The following NKAIN1 variants were observed in gnomAD, a reference collection of about 807,000 sequenced individuals.
NKAIN1 encodes sodium/potassium transporting ATPase interacting 1, also known as sodium/potassium-transporting ATPase subunit beta-1-interacting protein 1.
In NKAIN1, 13 loss-of-function variants were observed where a neutral mutation model predicts 31.6. The observed-to-expected ratio is 0.41, with a 90% CI of 0.27 to 0.65. The LOEUF (loss-of-function observed/expected upper bound fraction) is 0.65, where lower values mean the gene tolerates loss of function less well. NKAIN1 is among the 30% of genes least tolerant of loss of function. The pLI, the probability that NKAIN1 is intolerant of heterozygous loss-of-function variation, is 0.30. For missense variants in NKAIN1, 193 were observed against 262.2 expected, an observed-to-expected ratio of 0.74 and a Z score of 1.82; for synonymous variants, 104 against 109.0, an observed-to-expected ratio of 0.95 and a Z score of 0.28.
rs548201403 is a variant in NKAIN1, at chr1:31,225,421, G to T, written c.54+14073C>A. 1.0e-4 allele frequency among the ~76,000 whole-genome samples: 11 copies of T among 108,470 alleles called. No individual in the cohort carries two copies. In the South Asian group the frequency reaches 3.2e-3, roughly 32 times the overall value. The allele number at this position is 108,470 out of a possible 152,430, so 71.2% of individuals were successfully genotyped here. A position where few individuals can be genotyped will look rare whatever the true frequency, so the allele number is the denominator to read the frequency against. ...ACAATCTCGGCTCACTGCAACCTCT[G>T]CCTCCTGGGTTAAGCAATTCTCATG... On this transcript the variant is annotated intron_variant, in intron 1 of 6. Coordinates refer to ENST00000373736, the MANE Select transcript of NKAIN1 (RefSeq NM_024522.3).
chr1:31,186,045 T>C (rs1400644238), intron 2 of NKAIN1, among the ~76,000 whole-genome samples: 2 of 143,846 alleles, frequency 1.4e-5, no homozygotes, highest in African/African-American at 2.6e-5. Flanking sequence ...CTGGGCAATA[T>C]GGAGAAAACC....
rs558644354 is a variant in NKAIN1 at position 31,233,647 on chromosome 1, G to A, written c.54+5847C>T. Among the ~76,000 whole-genome samples, 98 of 152,342 alleles carry A rather than the reference G, an allele frequency of 6.4e-4. No homozygotes were observed. The highest frequency in any genetic ancestry group is 1.2e-3 in the Non-Finnish European group (79 of 68,030). ...ATTTTCCACATAAAGAAGAGCTGGA[G>A]TGTTTGTGGGAATGACCCTGATCAC... is the stretch of plus-strand genomic sequence containing the variant. On this transcript the variant is annotated intron_variant, in intron 1 of 6. Coordinates refer to ENST00000373736, the MANE Select transcript of NKAIN1 (RefSeq NM_024522.3). The surrounding 1 kb of genome is among the most constrained non-coding windows in gnomAD (Gnocchi z 4.0).
At chr1:31,208,556 G>C (rs983627895) in intron 1 of NKAIN1, among the ~76,000 whole-genome samples, 1 of 151,846 alleles carries the variant, frequency 6.6e-6, no homozygotes, top group African/African-American at 2.4e-5. Context: ...TGGGGGTGGG[G>C]ATCCCAGACA....
At chr1:31,203,607 C>T (rs1484416352) in intron 1 of NKAIN1, among the ~76,000 whole-genome samples, 1 of 73,796 alleles carries the variant, frequency 1.4e-5, no homozygotes, top group African/African-American at 3.4e-5. Flanking sequence ...TTTTTTGAGA[C>T]GGAGTCTTGC....
At chr1:31,184,942 G>C (rs1645231272) in intron 3 of NKAIN1, among the ~76,000 whole-genome samples, 2 of 152,100 alleles carry the variant, frequency 1.3e-5, no homozygotes, top group South Asian at 4.1e-4. Context: ...TCTATTAGCG[G>C]GGCCTAAGAG....
chr1:31,236,558 G>A (rs145128856), intron 1 of NKAIN1, among the ~76,000 whole-genome samples: 6 of 152,270 alleles, frequency 3.9e-5, no homozygotes, highest in African/African-American at 1.4e-4. Context: ...GGGGCTCATG[G>A]AGGTTAGTGA....
At chr1:31,216,420 A>G (rs1645512595) in intron 1 of NKAIN1, among the ~76,000 whole-genome samples, 1 of 152,140 alleles carries the variant, frequency 6.6e-6, no homozygotes, top group Non-Finnish European at 1.5e-5. Context: ...CAAGTTTAGA[A>G]CACTTTGATT....
At chr1:31,212,332 C>A (rs1645475988) in intron 1 of NKAIN1, among the ~76,000 whole-genome samples, 1 of 151,992 alleles carries the variant, frequency 6.6e-6, no homozygotes, top group African/African-American at 2.4e-5. Context: ...AATGTAAGAG[C>A]CAAAACTATA....
In NKAIN1 at chr1:31,181,850, C is replaced by T. The variant is rs756711244; in HGVS notation, c.614+10G>A. 2.5e-6 allele frequency: 4 copies of T among 1,602,276 alleles called. No individual in the cohort carries two copies. The African/African-American group carries it at 4.0e-5, about 16-fold the overall frequency. ...AGGCCTCCCCAAGCCAGCAGGGGGC[C>T]GTGACCCACGTGTACAGAGGCTGCA... On this transcript the variant is annotated intron_variant, in intron 6 of 6. Transcript: ENST00000373736.
At chr1:31,213,988 T>A (rs1645490074) in intron 1 of NKAIN1, among the ~76,000 whole-genome samples, 1 of 133,558 alleles carries the variant, frequency 7.5e-6, no homozygotes. Flanking sequence ...AGTGAGCCCC[T>A]GTCTCAAAAA....
intron 1 of NKAIN1, among the ~76,000 whole-genome samples, chr1:31,232,504 G>GTCTCAAAC (rs1396958472): frequency 7.2e-6 from 1 of 138,430 alleles, no homozygotes; most frequent in Non-Finnish European, 1.5e-5. Flanking sequence ...CCCCAGGCTG[G>GTCTCAAAC]TCTCAAACTC....
At chr1:31,223,119 G>A (rs1248903791) in intron 1 of NKAIN1, among the ~76,000 whole-genome samples, 3 of 152,150 alleles carry the variant, frequency 2.0e-5, no homozygotes, top group Non-Finnish European at 4.4e-5. Flanking sequence ...GCTCACGCCT[G>A]TAATCCCAGC....
At chr1:31,230,547 A>G (rs1437333219) in intron 1 of NKAIN1, among the ~76,000 whole-genome samples, 1 of 152,130 alleles carries the variant, frequency 6.6e-6, no homozygotes, top group Non-Finnish European at 1.5e-5. Flanking sequence ...CAGTGCCTCT[A>G]GGGGAAGTTT....
intron 1 of NKAIN1, among the ~76,000 whole-genome samples, chr1:31,196,512 CAAA>C (rs58194598): frequency 1.1e-5 from 1 of 91,378 alleles, no homozygotes. Context: ...GACTCCTACT[CAAA>C]AAAAAAAAAA....
At chr1:31,184,064 G>C in intron 3 of NKAIN1, 50 bp from the exon 4 acceptor site, 1 of 1,519,634 alleles carries the variant, frequency 6.6e-7, no homozygotes, top group Non-Finnish European at 9.0e-7. Context: ...AGGGAGGGGG[G>C]AGCTACTCCC....
chr1:31,208,419 G>C (rs76683037), intron 1 of NKAIN1, among the ~76,000 whole-genome samples: 1 of 152,118 alleles, frequency 6.6e-6, no homozygotes, highest in Admixed American at 6.5e-5. Flanking sequence ...GCTTCCTTTC[G>C]TGAAGATTTC....
chr1:31,210,236 C>T (rs1265942305), intron 1 of NKAIN1, among the ~76,000 whole-genome samples: 1 of 151,998 alleles, frequency 6.6e-6, no homozygotes, highest in African/African-American at 2.4e-5. Context: ...CAGCCATACC[C>T]ACGGGCCACA....
intron 1 of NKAIN1, among the ~76,000 whole-genome samples, chr1:31,237,132 T>A (rs1645698054): frequency 6.6e-6 from 1 of 152,090 alleles, no homozygotes; most frequent in Non-Finnish European, 1.5e-5. Flanking sequence ...GCCCCCGTAG[T>A]CCCAGGTACT....
At chr1:31,237,114 G>A (rs1459636183) in intron 1 of NKAIN1, among the ~76,000 whole-genome samples, 3 of 152,128 alleles carry the variant, frequency 2.0e-5, no homozygotes, top group African/African-American at 7.2e-5. Flanking sequence ...AGCTAGGCAT[G>A]GTGGTGTGCC....
Sources: gnomAD v4.1 joint callset for allele counts (sites outside exome capture counted in the v4.1 genomes callset) on GRCh38, gnomAD v4.1.1 for gene constraint, Gnocchi (gnomAD v3.1) non-coding constraint, MANE v1.5 for transcripts, NCBI Gene and HGNC (gene_info 2026-07-23, HGNC 2026-07-21) for gene names.